GRAMD1B: variants seen among roughly 807,000 people sequenced by gnomAD.
GRAMD1B encodes protein Aster-B.
In GRAMD1B, 37 loss-of-function variants were observed where a neutral mutation model predicts 99.7. That is an observed-to-expected ratio of 0.37 (90% CI 0.29 to 0.49). The LOEUF (loss-of-function observed/expected upper bound fraction) is 0.49, where lower values mean the gene tolerates loss of function less well. GRAMD1B is among the 20% of genes least tolerant of loss of function. GRAMD1B has a pLI of 0.98. For missense variants in GRAMD1B, 888 were observed against 1,009.2 expected (o/e 0.88, Z 1.63); for synonymous variants, 427 against 387.6 (o/e 1.10, Z -1.19).
At chr11:123,621,051 C>G (rs1813441675) in intron 19 of GRAMD1B, among the ~76,000 whole-genome samples, 2 of 152,160 alleles carry the variant, frequency 1.3e-5, no homozygotes, top group Admixed American at 6.5e-5. Context: ...GCCTAGTGGA[C>G]TCTACCCTAC....
rs562688378 is a variant in GRAMD1B, at chr11:123,531,207, G to A, written c.453-46160G>A. On this transcript the variant is annotated intron_variant, in intron 2 of 19. Coordinates refer to ENST00000635736, the MANE Select transcript of GRAMD1B (RefSeq NM_001387025.1). The stretch of plus-strand genomic sequence containing the variant: ...GTGGGATGGGAATTGGAGTTTTCCC[G>A]TGGTTCGGTAAGTCCAGGACACTGA... Among the ~76,000 whole-genome samples the A allele has an allele frequency of 3.1e-4, 47 of 152,276 alleles. 1 individual carries two copies. The South Asian group carries it at 7.7e-3, about 25-fold the overall frequency.
At chr11:123,563,401 G>A (rs1457390497) in intron 2 of GRAMD1B, among the ~76,000 whole-genome samples, 1 of 152,158 alleles carries the variant, frequency 6.6e-6, no homozygotes, top group Non-Finnish European at 1.5e-5. Context: ...AAAGAAAGGA[G>A]GATAGGAACA....
chr11:123,598,612 G>T (rs1007829698), intron 7 of GRAMD1B: 2 of 1,462,194 alleles, frequency 1.4e-6, no homozygotes, highest in Non-Finnish European at 1.9e-6. Context: ...CTCTGGGCTC[G>T]CTCTTCTGGG....
chr11:123,377,931 A>G lies in GRAMD1B; in HGVS notation c.-176+19132A>G, dbSNP rs76557438. Among the ~76,000 whole-genome samples the G allele has an allele frequency of 8.9e-3, 1,355 of 152,300 alleles. 29 individuals are homozygous for G. Among genetic ancestry groups the G allele is most frequent in the African/African-American group, 0.03 (1,250 of 41,568 alleles). ...TATGGCAGTGGCTCTGCCACCTTCT[A>G]TGTGGCTCCTTTGTGTTTTAGACTG... On this transcript the variant is annotated intron_variant, in intron 1 of 20. Coordinates refer to the GRAMD1B transcript ENST00000638157.
intron 2 of GRAMD1B, among the ~76,000 whole-genome samples, chr11:123,576,340 C>A (rs1407525687): frequency 6.6e-6 from 1 of 152,212 alleles, no homozygotes; most frequent in African/African-American, 2.4e-5. Flanking sequence ...CCCCAGCAGC[C>A]CCGTGCAGGC....
chr11:123,554,909 G>A (rs1270374034), intron 2 of GRAMD1B, among the ~76,000 whole-genome samples: 1 of 152,176 alleles, frequency 6.6e-6, no homozygotes, highest in African/African-American at 2.4e-5. Flanking sequence ...AGAACTTATT[G>A]GAGAGGGTGT....
chr11:123,601,774 G>A (rs1028734125), intron 8 of GRAMD1B, among the ~76,000 whole-genome samples: 3 of 152,222 alleles, frequency 2.0e-5, no homozygotes, highest in African/African-American at 7.2e-5. Context: ...CTACTGGCAG[G>A]TTTGAGTTTT....
At position 123,591,618 on chromosome 11, in the gene GRAMD1B, G is replaced by A. The variant is rs77333612; in HGVS notation, c.685-2464G>A. ...GTTATGCCACTTGGCTCTCCTACCC[G>A]AAGGCCCCAGATTTGACAATCTTGG... On this transcript the variant is annotated intron_variant, in intron 4 of 19. Transcript: ENST00000635736. The surrounding 1 kb of genome is among the most constrained non-coding windows in gnomAD (Gnocchi z 4.7). The A allele has an allele frequency of 4.4e-3, 1,767 of 397,646 alleles. 24 individuals are homozygous for A. Among genetic ancestry groups the A allele is most frequent in the African/African-American group, 0.032 (1,551 of 48,720 alleles). 24.6% of individuals were successfully genotyped at this position (397,646 alleles called of 1,614,324 possible). A position where few individuals can be genotyped will look rare whatever the true frequency, so the allele number is the denominator to read the frequency against.
At chr11:123,481,453 A>G (rs988997424) in intron 2 of GRAMD1B, among the ~76,000 whole-genome samples, 11 of 146,554 alleles carry the variant, frequency 7.5e-5, no homozygotes, top group Admixed American at 5.6e-4. Flanking sequence ...GACTTCGTCT[A>G]AAAACAACAA....
At chr11:123,578,082 G>C (rs1267261994) in intron 3 of GRAMD1B, among the ~76,000 whole-genome samples, 2 of 152,152 alleles carry the variant, frequency 1.3e-5, no homozygotes, top group Non-Finnish European at 2.9e-5. Context: ...ATCCTCCCAA[G>C]GATGTCAGGA....
intron 3 of GRAMD1B, among the ~76,000 whole-genome samples, chr11:123,582,074 G>A (rs978482744): frequency 3.9e-5 from 6 of 152,250 alleles, no homozygotes; most frequent in African/African-American, 1.4e-4. Flanking sequence ...CAGGGATCTC[G>A]TGACCTGGGT....
chr11:123,403,110 C>G (rs1326672925), intron 1 of GRAMD1B, among the ~76,000 whole-genome samples: 1 of 152,086 alleles, frequency 6.6e-6, no homozygotes, highest in Admixed American at 6.6e-5. Flanking sequence ...CAAAGGCAAT[C>G]ATTCCTCTGG....
intron 2 of GRAMD1B, among the ~76,000 whole-genome samples, chr11:123,527,547 T>C (rs1942922946): frequency 6.6e-6 from 1 of 152,188 alleles, no homozygotes; most frequent in Non-Finnish European, 1.5e-5. Flanking sequence ...TAGTCCTTGC[T>C]TTCTTGGGGT....
At chr11:123,438,290 C>T (rs565560537) in intron 1 of GRAMD1B, among the ~76,000 whole-genome samples, 3 of 152,318 alleles carry the variant, frequency 2.0e-5, no homozygotes, top group South Asian at 2.1e-4. Flanking sequence ...GGATTTGAAG[C>T]GTGTCCTAAT....
chr11:123,549,263 G>T (rs575780733), intron 2 of GRAMD1B, among the ~76,000 whole-genome samples: 3 of 152,246 alleles, frequency 2.0e-5, no homozygotes, highest in South Asian at 2.1e-4. Context: ...TGATTGTGGG[G>T]GCCGGGCGCA....
Sources: allele counts gnomAD v4.1 joint callset (sites outside exome capture counted in the v4.1 genomes callset), GRCh38; gene constraint gnomAD v4.1.1; non-coding constraint Gnocchi (gnomAD v3.1); transcripts MANE v1.5; gene names NCBI Gene and HGNC (gene_info 2026-07-23, HGNC 2026-07-21).